Variants in BICC1 observed in about 807,000 individuals in gnomAD.
BICC1 encodes the protein BicC family RNA binding protein 1.
Under a neutral mutation model 111.0 loss-of-function variants are expected in BICC1, and 43 were observed. The ratio of observed to expected loss-of-function variants is 0.39; its 90% CI spans 0.30 to 0.50. The LOEUF (loss-of-function observed/expected upper bound fraction) is 0.50. BICC1 is among the 20% of genes least tolerant of loss of function. The pLI is 0.88. For missense variants in BICC1, 1,091 were observed against 1,203.2 expected (o/e 0.91, Z 1.38); for synonymous variants, 467 against 434.4 (o/e 1.07, Z -0.93).
At chr10:58,676,157 C>CA (rs535269414) in intron 2 of BICC1, among the ~76,000 whole-genome samples, 113 of 152,306 alleles carry the variant, frequency 7.4e-4, no homozygotes, top group African/African-American at 2.6e-3. Flanking sequence ...AGGGTGCCTA[C>CA]ACCACCAGGG....
In BICC1 at chr10:58,695,410, A is replaced by T. The variant is rs150125984; in HGVS notation, c.238-6664A>T. 9.4e-4 allele frequency among the ~76,000 whole-genome samples: 143 copies of T among 152,316 alleles called. 1 individual carries two copies. Among genetic ancestry groups the T allele is most frequent in the African/African-American group, 3.4e-3 (141 of 41,584 alleles). ...CAGACCTTATTTCTCTATTAATATA[A>T]GGAAAATAGAGCACAAATTAGTTGG... On this transcript the variant is annotated intron_variant, in intron 2 of 20. Coordinates refer to ENST00000373886, the MANE Select transcript of BICC1 (RefSeq NM_001080512.3).
chr10:58,579,883 A>G (rs1023581846), intron 1 of BICC1, among the ~76,000 whole-genome samples: 45 of 1,934 alleles, frequency 0.023, no homozygotes, highest in East Asian at 0.5. Flanking sequence ...TTTTTTCCAT[A>G]ATAGAATATA....
chr10:58,679,071 C>T (rs899352163), intron 2 of BICC1, among the ~76,000 whole-genome samples: 2 of 152,148 alleles, frequency 1.3e-5, no homozygotes, highest in Non-Finnish European at 2.9e-5. Context: ...TAAATTCTCA[C>T]AGGAGGAAGC....
Position 58,735,551 on chromosome 10 carries a change from A to G in BICC1, c.307+33408A>G, listed in dbSNP as rs113384583. Among the ~76,000 whole-genome samples, 132 of 151,680 alleles carry G rather than the reference A, an allele frequency of 8.7e-4. 1 individual carries two copies. The highest frequency in any genetic ancestry group is 2.8e-3 in the African/African-American group (114 of 40,982). ...ATAAACATTTTTAAGTACCTTCCCT[A>G]TCGTAGTCACTGGGCTAAGTTCACA... On this transcript the variant is annotated intron_variant, in intron 3 of 20. Coordinates refer to ENST00000373886, the MANE Select transcript of BICC1 (RefSeq NM_001080512.3).
chr10:58,572,311 C>G (rs1372847113), intron 1 of BICC1, among the ~76,000 whole-genome samples: 2 of 152,100 alleles, frequency 1.3e-5, no homozygotes, highest in Non-Finnish European at 2.9e-5. Flanking sequence ...TTTTGCTGTG[C>G]AGAAGCTCTT....
chr10:58,756,626 CTTTTTTTTTTTTTTTT>C lies in BICC1; in HGVS notation c.308-28358_308-28343del, dbSNP rs66709538. ...CCAGGACCCTTTAGCAACTACTAGCCTTTTTTTTTTTTTTTTTTTTTTTTTTTTTTTTGCCAGAGTC... is the reference window on the plus strand; with the variant it reads ...CCAGGACCCTTTAGCAACTACTAGCCTTTTTTTTTTTTTTTTGCCAGAGTC... On this transcript the variant is annotated intron_variant, in intron 3 of 20. Coordinates refer to ENST00000373886, the MANE Select transcript of BICC1 (RefSeq NM_001080512.3). Among the ~76,000 whole-genome samples the C allele has an allele frequency of 2.2e-5, 3 of 135,926 alleles. 1 individual carries two copies. The highest frequency in any genetic ancestry group is 5.9e-5 in the African/African-American group (2 of 33,782). The allele number at this position is 135,926 out of a possible 152,430, so 89.2% of individuals were successfully genotyped here. A position where few individuals can be genotyped will look rare whatever the true frequency, so the allele number is the denominator to read the frequency against.
intron 17 of BICC1, among the ~76,000 whole-genome samples, chr10:58,810,737 G>C (rs1288026099): frequency 6.6e-6 from 1 of 152,176 alleles, no homozygotes; most frequent in Non-Finnish European, 1.5e-5. Context: ...TATTAAAATA[G>C]AGACCACATC....
intron 3 of BICC1, among the ~76,000 whole-genome samples, chr10:58,743,471 T>TTTG (rs1055596725): frequency 6.6e-6 from 1 of 151,650 alleles, no homozygotes; most frequent in Non-Finnish European, 1.5e-5. Context: ...CTGGGATTTT[T>TTTG]TTTTTTTTTT....
At chr10:58,551,207 A>G (rs1364787059) in intron 1 of BICC1, among the ~76,000 whole-genome samples, 4 of 152,160 alleles carry the variant, frequency 2.6e-5, no homozygotes, top group African/African-American at 9.7e-5. Flanking sequence ...ATCTGGTAAG[A>G]TCTCAATGAA....
chr10:58,521,768 G>GTTTTTTTTT (rs573116230), intron 1 of BICC1, among the ~76,000 whole-genome samples: 1 of 112,804 alleles, frequency 8.9e-6, no homozygotes, highest in Non-Finnish European at 1.9e-5. Flanking sequence ...GGAATGTGGT[G>GTTTTTTTTT]TTTTTTTTTT....
intron 1 of BICC1, among the ~76,000 whole-genome samples, chr10:58,614,798 T>C (rs1845546985): frequency 6.6e-6 from 1 of 152,210 alleles, no homozygotes; most frequent in African/African-American, 2.4e-5. Flanking sequence ...TAAATATAGT[T>C]GTATAATGAA....
In BICC1 at chr10:58,793,629, C is replaced by G; in HGVS notation, c.1179+14C>G. 7 of 1,612,810 alleles carry G rather than the reference C, an allele frequency of 4.3e-6. No individual in the cohort carries two copies. Among genetic ancestry groups the G allele is most frequent in the Non-Finnish European group, 5.9e-6 (7 of 1,179,424 alleles). On this transcript the variant is annotated intron_variant, in intron 9 of 20. Coordinates refer to ENST00000373886, the MANE Select transcript of BICC1 (RefSeq NM_001080512.3). ...CAGCCAAGCAAGGTTGGTTCAGAGT[C>G]TGAATCCAGAGAATTATGTATCATA...
intron 2 of BICC1, among the ~76,000 whole-genome samples, chr10:58,657,808 AT>A (rs58739782): frequency 0.98 from 149,727 of 152,030 alleles, 73,757 homozygotes; most frequent in South Asian, 1. Context: ...GATCACTCAT[AT>A]TTTTTTTTCT....
chr10:58,707,807 C>G (rs959651814), intron 3 of BICC1, among the ~76,000 whole-genome samples: 5 of 152,098 alleles, frequency 3.3e-5, no homozygotes, highest in African/African-American at 1.2e-4. Flanking sequence ...AGCGATTGTC[C>G]TGGCTCAGCC....
intron 1 of BICC1, among the ~76,000 whole-genome samples, chr10:58,575,922 A>T (rs1371482821): frequency 6.6e-6 from 1 of 152,214 alleles, no homozygotes; most frequent in Non-Finnish European, 1.5e-5. Context: ...TTTTCATATC[A>T]GGTTTTAATC....
chr10:58,743,792 T>TA (rs397942641), intron 3 of BICC1, among the ~76,000 whole-genome samples: 4 of 150,898 alleles, frequency 2.7e-5, no homozygotes, highest in Non-Finnish European at 5.9e-5. Flanking sequence ...TTTTTTTTTT[T>TA]AAAGCAGATG....
intron 1 of BICC1, among the ~76,000 whole-genome samples, chr10:58,574,789 G>A (rs1246651034): frequency 6.6e-6 from 1 of 151,972 alleles, no homozygotes; most frequent in Non-Finnish European, 1.5e-5. Context: ...TATTTTCTAA[G>A]ACAAAAAATT....
chr10:58,658,342 C>T (rs1172069839), intron 2 of BICC1, among the ~76,000 whole-genome samples: 1 of 152,082 alleles, frequency 6.6e-6, no homozygotes, highest in Non-Finnish European at 1.5e-5. Flanking sequence ...TGCACGCCAC[C>T]AAGTCCAGCT....
At chr10:58,672,978 AG>A (rs1311859477) in intron 2 of BICC1, among the ~76,000 whole-genome samples, 1 of 152,200 alleles carries the variant, frequency 6.6e-6, no homozygotes, top group African/African-American at 2.4e-5. Context: ...AATCACATGA[AG>A]AGGTCTGATA....
Sources: allele counts gnomAD v4.1 joint callset (sites outside exome capture counted in the v4.1 genomes callset), GRCh38; gene constraint gnomAD v4.1.1; transcripts MANE v1.5; gene names NCBI Gene and HGNC (gene_info 2026-07-23, HGNC 2026-07-21).